The following SPMIP4 variants were observed in gnomAD, a reference collection of about 807,000 sequenced individuals.
SPMIP4 encodes sperm microtubule inner protein 4, also known as sperm-associated microtubule inner protein 4.
chr7:25,169,260 G>A, the SPMIP4 span, among the ~76,000 whole-genome samples: 22,060 of 151,848 alleles, frequency 0.15, 1,928 homozygotes, highest in East Asian at 0.26. Context: ...AAAATAAAGT[G>A]TATAATTCAA....
chr7:25,177,486 AAAAAAAAC>A, the SPMIP4 span, among the ~76,000 whole-genome samples: 3 of 152,112 alleles, frequency 2.0e-5, no homozygotes, highest in Non-Finnish European at 2.9e-5. Context: ...CGTCTAATAA[AAAAAAAAC>A]AAAAAAACAA....
At chr7:25,145,111 C>T in the SPMIP4 span, among the ~76,000 whole-genome samples, 1 of 152,004 alleles carries the variant, frequency 6.6e-6, no homozygotes, top group Admixed American at 6.6e-5. Context: ...TACAGATGTG[C>T]ACCACCACGC....
At chr7:25,177,527 C>T in the SPMIP4 span, among the ~76,000 whole-genome samples, 1 of 151,974 alleles carries the variant, frequency 6.6e-6, no homozygotes, top group South Asian at 2.1e-4. Flanking sequence ...AAGTAGACAA[C>T]CACTCAGGCT....
chr7:25,144,706 G>T, the SPMIP4 span, among the ~76,000 whole-genome samples: 1 of 152,208 alleles, frequency 6.6e-6, no homozygotes, highest in Non-Finnish European at 1.5e-5. Context: ...GCCAGAGGAA[G>T]GCCAGAACTG....
chr7:25,154,892 T>A, the SPMIP4 span: 1 of 926,716 alleles, frequency 1.1e-6, no homozygotes, highest in Non-Finnish European at 1.6e-6. Context: ...ACAAGTTTCC[T>A]GATCTATTGA....
chr7:25,152,028 CCACA>C, the SPMIP4 span, among the ~76,000 whole-genome samples: 2 of 152,112 alleles, frequency 1.3e-5, no homozygotes, highest in Non-Finnish European at 2.9e-5. Flanking sequence ...AGCATGTGGG[CCACA>C]CAGAGTGTGA....
chr7:25,177,437 T>C, the SPMIP4 span, among the ~76,000 whole-genome samples: 132,480 of 152,084 alleles, frequency 0.87, 57,857 homozygotes, highest in Middle Eastern at 0.89. Context: ...AAGCCGAGAT[T>C]GTGCCACTGC....
At chr7:25,139,175 G>A in the SPMIP4 span, among the ~76,000 whole-genome samples, 4 of 152,154 alleles carry the variant, frequency 2.6e-5, no homozygotes, top group South Asian at 2.1e-4. Flanking sequence ...AAAAAAAACC[G>A]CAAACAAATA....
the SPMIP4 span, among the ~76,000 whole-genome samples, chr7:25,174,383 G>A: frequency 5.9e-5 from 9 of 152,022 alleles, no homozygotes; most frequent in South Asian, 2.1e-4. This position sits in a 1 kb window ranked among gnomAD's most constrained non-coding sequence, Gnocchi z 4.5. Context: ...CATCTCTAGC[G>A]ATAGAAAATT....
chr7:25,151,820 A>C, the SPMIP4 span: 5 of 503,802 alleles, frequency 9.9e-6, no homozygotes, highest in East Asian at 1.4e-4. Context: ...AGCTTTAGAG[A>C]GATTCAGCTT....
chr7:25,167,929 C>A, the SPMIP4 span, among the ~76,000 whole-genome samples: 3 of 152,216 alleles, frequency 2.0e-5, no homozygotes, highest in African/African-American at 7.2e-5. Context: ...TAGTGACTAT[C>A]AAAAAGACTG....
the SPMIP4 span, among the ~76,000 whole-genome samples, chr7:25,167,579 T>TGA: frequency 1.3e-5 from 2 of 152,346 alleles, no homozygotes; most frequent in South Asian, 4.1e-4. Flanking sequence ...GCGGCACATG[T>TGA]CCCTGTTGTT....
At chr7:25,162,997 G>A in the SPMIP4 span, among the ~76,000 whole-genome samples, 1 of 152,134 alleles carries the variant, frequency 6.6e-6, no homozygotes, top group African/African-American at 2.4e-5. Context: ...CTGACCTCAG[G>A]TGGTCCGCCC....
the SPMIP4 span, among the ~76,000 whole-genome samples, chr7:25,164,862 G>A: frequency 3.3e-5 from 5 of 152,074 alleles, no homozygotes; most frequent in African/African-American, 1.2e-4. Context: ...CAACTTCTAG[G>A]TGAGAACATA....
the SPMIP4 span, among the ~76,000 whole-genome samples, chr7:25,148,909 C>A: frequency 1.3e-5 from 2 of 152,196 alleles, no homozygotes. Flanking sequence ...CTGCCGCCGC[C>A]AGGTGGTGGA....
At chr7:25,131,316 G>A in the SPMIP4 span, among the ~76,000 whole-genome samples, 4 of 152,130 alleles carry the variant, frequency 2.6e-5, no homozygotes, top group Non-Finnish European at 5.9e-5. This position sits in a 1 kb window ranked among gnomAD's most constrained non-coding sequence, Gnocchi z 4.2. Context: ...TTATTTCACT[G>A]TATATTATAA....
chr7:25,141,694 T>C, the SPMIP4 span, among the ~76,000 whole-genome samples: 4 of 131,362 alleles, frequency 3.0e-5, no homozygotes, highest in African/African-American at 8.1e-5. Context: ...AACAGTAGCA[T>C]AGTAGAAAAT....
At chr7:25,161,429 G>T in the SPMIP4 span, among the ~76,000 whole-genome samples, 1 of 151,824 alleles carries the variant, frequency 6.6e-6, no homozygotes, top group Non-Finnish European at 1.5e-5. Flanking sequence ...TAGAGACGAG[G>T]TCTTGCTATG....
the SPMIP4 span, among the ~76,000 whole-genome samples, chr7:25,171,376 T>C: frequency 0.016 from 2,464 of 152,330 alleles, 61 homozygotes; most frequent in African/African-American, 0.057. Context: ...GCCAAAGAGA[T>C]GGATTTGTTT....
Sources: allele counts gnomAD v4.1 joint callset (sites outside exome capture counted in the v4.1 genomes callset), GRCh38; gene constraint gnomAD v4.1.1; non-coding constraint Gnocchi (gnomAD v3.1); transcripts MANE v1.5; gene names NCBI Gene and HGNC (gene_info 2026-07-23, HGNC 2026-07-21).